ALDH1A1: variants seen among roughly 807,000 people sequenced by gnomAD.
The protein encoded by ALDH1A1 is aldehyde dehydrogenase 1A1.
ALDH1A1 carries 19 observed loss-of-function variants against 62.1 expected under a neutral mutation model. The observed-to-expected ratio is 0.31, with a 90% confidence interval of 0.21 to 0.45. The LOEUF is 0.45. ALDH1A1 is among the 20% of genes least tolerant of loss of function. The probability of loss-of-function intolerance (pLI) is 1.00; values close to 1 mark genes in which losing one functional copy is unlikely to be tolerated. For missense variants in ALDH1A1, 521 were observed against 607.1 expected, an observed-to-expected ratio of 0.86 and a Z score of 1.49; for synonymous variants, 231 against 215.9, an observed-to-expected ratio of 1.07 and a Z score of -0.61.
At chr9:72,902,533 C>T (rs1053644697) in intron 12 of ALDH1A1, among the ~76,000 whole-genome samples, 3 of 151,938 alleles carry the variant, frequency 2.0e-5, no homozygotes, top group African/African-American at 4.8e-5. Flanking sequence ...AGGGCTTAGC[C>T]TCAGTTGTCT....
intron 2 of ALDH1A1, among the ~76,000 whole-genome samples, chr9:72,936,165 G>A (rs185876390): frequency 4.5e-4 from 68 of 152,242 alleles, no homozygotes; most frequent in African/African-American, 1.6e-3. Flanking sequence ...TAATTGTCAA[G>A]AAGCACAGAG....
chr9:72,906,409 T>C lies in ALDH1A1; in HGVS notation c.1359-377A>G, dbSNP rs8187984. ...TACTGCTTATATATGGATCAGCTTGTAATTCTCTTGATGTTTCTGTACTTA... is the reference window on the plus strand; with the variant it reads ...TACTGCTTATATATGGATCAGCTTGCAATTCTCTTGATGTTTCTGTACTTA... On this transcript the variant is annotated intron_variant, in intron 11 of 12. Coordinates refer to ENST00000297785, the MANE Select transcript of ALDH1A1 (RefSeq NM_000689.5). 6.4e-3 allele frequency among the ~76,000 whole-genome samples: 968 copies of C among 152,312 alleles called. 41 individuals carry two copies. The highest frequency in any genetic ancestry group is 0.06 in the Admixed American group (913 of 15,286).
chr9:72,952,693 C>T (rs1414027966), intron 1 of ALDH1A1, among the ~76,000 whole-genome samples: 1 of 151,890 alleles, frequency 6.6e-6, no homozygotes, highest in African/African-American at 2.4e-5. Flanking sequence ...AATCCTTTCA[C>T]ACAGAAGAGA....
At chr9:72,941,340 TA>T (rs1489231795) in intron 1 of ALDH1A1, among the ~76,000 whole-genome samples, 3 of 152,192 alleles carry the variant, frequency 2.0e-5, no homozygotes, top group Non-Finnish European at 2.9e-5. Context: ...ACTTATTTAT[TA>T]AAAATTCCCC....
chr9:72,917,712 ACT>A (rs5898284), intron 8 of ALDH1A1, among the ~76,000 whole-genome samples: 7,294 of 152,192 alleles, frequency 0.048, 581 homozygotes, highest in African/African-American at 0.16. Context: ...GTGCCTATAA[ACT>A]CTTATTTATT....
At chr9:72,951,754 T>C (rs2118590048) in intron 1 of ALDH1A1, among the ~76,000 whole-genome samples, 1 of 152,026 alleles carries the variant, frequency 6.6e-6, no homozygotes, top group Non-Finnish European at 1.5e-5. Context: ...GTAGTAAAAC[T>C]AAATGGAAAA....
intron 8 of ALDH1A1, among the ~76,000 whole-genome samples, chr9:72,917,420 T>C (rs1830079762): frequency 6.6e-6 from 1 of 152,072 alleles, no homozygotes; most frequent in Admixed American, 6.6e-5. Context: ...TATCTCCAAT[T>C]ATATAATTAG....
intron 12 of ALDH1A1, among the ~76,000 whole-genome samples, chr9:72,905,643 A>C (rs1444373178): frequency 1.3e-5 from 2 of 152,110 alleles, no homozygotes; most frequent in Non-Finnish European, 2.9e-5. Context: ...TTTTCTGGAA[A>C]TGTTTCCCAA....
At chr9:72,947,569 GA>G (rs1411265119) in intron 1 of ALDH1A1, among the ~76,000 whole-genome samples, 6 of 151,906 alleles carry the variant, frequency 3.9e-5, no homozygotes, top group Non-Finnish European at 7.4e-5. Flanking sequence ...GGGAAAGGGG[GA>G]TAATACCCTC....
At position 72,916,919 on chromosome 9, in the gene ALDH1A1, C is replaced by T. The variant is rs879184442; in HGVS notation, c.1035+1G>A. The T allele has an allele frequency of 6.2e-7, 1 of 1,603,386 alleles. No individual in the cohort carries two copies. Among genetic ancestry groups the T allele is most frequent in the Non-Finnish European group, 8.5e-7 (1 of 1,174,468 alleles). On this transcript the variant is annotated splice_donor_variant, in intron 9 of 12. Transcript: ENST00000297785. LOFTEE classifies it high-confidence loss of function. ...TGCTATCCTTTCTATTTTATACTTA[C>T]CTGAGGGCCTTGAGTGACTCCTGGG... is the stretch of plus-strand genomic sequence containing the variant.
intron 7 of ALDH1A1, among the ~76,000 whole-genome samples, chr9:72,921,536 A>ATT (rs1830145344): frequency 1.3e-5 from 1 of 77,086 alleles, no homozygotes; most frequent in African/African-American, 5.4e-5. Flanking sequence ...TTTTTTTTTT[A>ATT]ATTATACTCT....
chr9:72,902,377 C>T (rs1415497500), intron 12 of ALDH1A1, among the ~76,000 whole-genome samples: 3 of 151,938 alleles, frequency 2.0e-5, no homozygotes, highest in African/African-American at 7.2e-5. Flanking sequence ...TTTACCCCTC[C>T]CTTCTTGTGA....
Position 72,926,674 on chromosome 9 carries a change from G to T in ALDH1A1, c.504+442C>A, listed in dbSNP as rs532509820. On this transcript the variant is annotated intron_variant, in intron 5 of 12. Transcript: ENST00000297785. ...ATGTGTGTCATGAGTTGAACACTCT[G>T]GGAGCTACTGTTCTGCATGATGAGA... 5.3e-4 allele frequency among the ~76,000 whole-genome samples: 80 copies of T among 152,310 alleles called. 1 individual carries two copies. The highest frequency in any genetic ancestry group is 3.5e-3 in the South Asian group (17 of 4,826).
At chr9:72,939,918 G>GA (rs1203065780) in intron 2 of ALDH1A1, among the ~76,000 whole-genome samples, 3 of 148,052 alleles carry the variant, frequency 2.0e-5, no homozygotes, top group South Asian at 2.1e-4. Flanking sequence ...AAAATGATGT[G>GA]AAAAAAAATC....
At chr9:72,941,919 A>G (rs1024515341) in intron 1 of ALDH1A1, among the ~76,000 whole-genome samples, 5 of 152,190 alleles carry the variant, frequency 3.3e-5, no homozygotes, top group African/African-American at 1.2e-4. Context: ...AATAAAGGGA[A>G]AAGGGGCCCA....
intron 4 of ALDH1A1, among the ~76,000 whole-genome samples, chr9:72,927,420 A>G (rs1830226014): frequency 6.6e-6 from 1 of 152,206 alleles, no homozygotes; most frequent in South Asian, 2.1e-4. Flanking sequence ...AAGCCCTAAA[A>G]TAGTAATTCG....
At chr9:72,928,667 A>G (rs541219097) in intron 4 of ALDH1A1, among the ~76,000 whole-genome samples, 1 of 152,358 alleles carries the variant, frequency 6.6e-6, no homozygotes, top group Non-Finnish European at 1.5e-5. Context: ...TTTCTAAAAT[A>G]TCTATAATGT....
chr9:72,922,391 C>T (rs1434303619), intron 7 of ALDH1A1, among the ~76,000 whole-genome samples: 1 of 152,008 alleles, frequency 6.6e-6, no homozygotes, highest in South Asian at 2.1e-4. Context: ...AGTGCTCCCC[C>T]AATGTTATAG....
chr9:72,949,045 G>A (rs1176662367), intron 1 of ALDH1A1, among the ~76,000 whole-genome samples: 2 of 151,694 alleles, frequency 1.3e-5, no homozygotes, highest in African/African-American at 4.8e-5. Flanking sequence ...AACCCAGAAG[G>A]GTTAAACAAA....
Sources: allele counts gnomAD v4.1 joint callset (sites outside exome capture counted in the v4.1 genomes callset), GRCh38; gene constraint gnomAD v4.1.1; transcripts MANE v1.5; gene names NCBI Gene and HGNC (gene_info 2026-07-23, HGNC 2026-07-21).